Variants in ITGA8 observed in about 807,000 individuals in gnomAD.
ITGA8 encodes integrin subunit alpha 8.
ITGA8 carries 91 observed loss-of-function variants against 142.3 expected under a neutral mutation model. The observed-to-expected ratio is 0.64, with a 90% CI of 0.54 to 0.76. The LOEUF (loss-of-function observed/expected upper bound fraction) is 0.76. Ranked by LOEUF, ITGA8 falls within the 30% of genes least tolerant of loss-of-function variation. The pLI is 0.00. For missense variants in ITGA8, 1,406 were observed against 1,327.7 expected, an observed-to-expected ratio of 1.06 and a Z score of -0.92; for synonymous variants, 505 against 485.2, an observed-to-expected ratio of 1.04 and a Z score of -0.54.
rs919767678 is a variant in ITGA8 at position 15,548,699 on chromosome 10, A to G, written c.2767-131T>C. 1.0e-4 allele frequency: 58 copies of G among 564,670 alleles called. 2 individuals are homozygous for G. The South Asian group carries it at 1.3e-3, about 13-fold the overall frequency. 35.0% of individuals were successfully genotyped at this position (564,670 alleles called of 1,614,324 possible). On this transcript the variant is annotated intron_variant, in intron 26 of 29. Coordinates refer to ENST00000378076, the MANE Select transcript of ITGA8 (RefSeq NM_003638.3). ...GATAAATTATTAATGTAAATAAAGA[A>G]CAATATATTGCAACAACCAAGAAAA...
intron 25 of ITGA8, among the ~76,000 whole-genome samples, chr10:15,563,245 T>C (rs377269062): frequency 9.9e-5 from 15 of 152,190 alleles, no homozygotes; most frequent in East Asian, 5.8e-4. Context: ...CCCAGTGTTA[T>C]GTATTTCTAG....
chr10:15,604,829 G>T (rs1040001073), intron 19 of ITGA8, among the ~76,000 whole-genome samples: 7 of 152,074 alleles, frequency 4.6e-5, no homozygotes, highest in African/African-American at 1.7e-4. Flanking sequence ...AAGAGGGATA[G>T]ATTAATGCAA....
At chr10:15,625,443 T>A (rs563451889) in intron 13 of ITGA8, among the ~76,000 whole-genome samples, 1 of 144,608 alleles carries the variant, frequency 6.9e-6, no homozygotes, top group Non-Finnish European at 1.5e-5. Flanking sequence ...ATCACATGTG[T>A]GCCGTCTGTG....
chr10:15,704,724 G>A (rs1835226482), intron 2 of ITGA8, among the ~76,000 whole-genome samples: 2 of 152,134 alleles, frequency 1.3e-5, no homozygotes, highest in South Asian at 4.1e-4. Flanking sequence ...AAGAAGTAAT[G>A]AAAACCTCTC....
At chr10:15,632,759 T>G (rs1264971334) in intron 13 of ITGA8, among the ~76,000 whole-genome samples, 1 of 152,094 alleles carries the variant, frequency 6.6e-6, no homozygotes, top group African/African-American at 2.4e-5. Context: ...AGCTGGTTGT[T>G]AACCAATTTT....
intron 2 of ITGA8, among the ~76,000 whole-genome samples, chr10:15,704,237 T>C (rs1448129359): frequency 1.3e-5 from 2 of 152,180 alleles, no homozygotes; most frequent in Non-Finnish European, 2.9e-5. Flanking sequence ...TGTGACAGCT[T>C]CCTGACCAGT....
In ITGA8 at chr10:15,647,449, G is replaced by GTTTT. The variant is rs71505078; in HGVS notation, c.1002-402_1002-399dup. On this transcript the variant is annotated intron_variant, in intron 11 of 29. Transcript: ENST00000378076. ...TATGACTATACATTTAAATTATTCA[G>GTTTT]TTTTTTTTTTTTTTTTTTTTTTTTG... Among the ~76,000 whole-genome samples, 236 of 91,502 alleles carry GTTTT rather than the reference G, an allele frequency of 2.6e-3. 2 individuals are homozygous for GTTTT. The highest frequency in any genetic ancestry group is 3.2e-3 in the Non-Finnish European group (156 of 49,182). The allele number at this position is 91,502 out of a possible 152,430, so 60.0% of individuals were successfully genotyped here.
intron 3 of ITGA8, 141 bp downstream of exon 3, chr10:15,687,797 T>A: frequency 1.8e-6 from 1 of 557,736 alleles, no homozygotes; most frequent in Non-Finnish European, 3.3e-6. Flanking sequence ...AGCATTTAGT[T>A]GCTTTTAAAA....
chr10:15,669,529 A>C (rs1327934538), intron 8 of ITGA8, among the ~76,000 whole-genome samples: 1 of 152,198 alleles, frequency 6.6e-6, no homozygotes, highest in African/African-American at 2.4e-5. Flanking sequence ...CATCAAAGTC[A>C]TTCTCCATCC....
At chr10:15,628,387 G>A (rs1370686082) in intron 13 of ITGA8, among the ~76,000 whole-genome samples, 1 of 116,100 alleles carries the variant, frequency 8.6e-6, no homozygotes, top group Non-Finnish European at 1.6e-5. Context: ...AGGCTGGAAT[G>A]CAGTGGCCGA....
intron 8 of ITGA8, among the ~76,000 whole-genome samples, chr10:15,669,900 G>A (rs147725129): frequency 0.039 from 5,907 of 152,254 alleles, 141 homozygotes; most frequent in Non-Finnish European, 0.058. Context: ...CTACCCGGCC[G>A]TGTGAGGTGT....
At chr10:15,629,743 A>G (rs1833651567) in intron 13 of ITGA8, among the ~76,000 whole-genome samples, 1 of 152,042 alleles carries the variant, frequency 6.6e-6, no homozygotes, top group African/African-American at 2.4e-5. Flanking sequence ...CCTGGCCAAC[A>G]TGGCAAAACC....
chr10:15,713,237 ATAAG>A (rs1369518627), intron 2 of ITGA8, among the ~76,000 whole-genome samples: 2 of 152,250 alleles, frequency 1.3e-5, no homozygotes, highest in African/African-American at 2.4e-5. Context: ...TTCTAGAATA[ATAAG>A]TAAGACATCC....
Position 15,684,139 on chromosome 10 carries a change from C to A in ITGA8, c.445-12G>T, listed in dbSNP as rs1226103346. On this transcript the variant is annotated splice_polypyrimidine_tract_variant and intron_variant, in intron 3 of 29. Coordinates refer to ENST00000378076, the MANE Select transcript of ITGA8 (RefSeq NM_003638.3). ...AAAGGAGCACAGGCCTAGGAAACAT[C>A]AAAGACAAAAAAATACATTTTTGAT... 1.9e-6 allele frequency: 3 copies of A among 1,596,260 alleles called. No homozygotes were observed. Among genetic ancestry groups the A allele is most frequent in the Non-Finnish European group, 1.7e-6 (2 of 1,175,444 alleles).
At chr10:15,719,478 G>A (rs1415622901) in intron 1 of ITGA8, 85 bp downstream of exon 1, 12 of 1,271,670 alleles carry the variant, frequency 9.4e-6, no homozygotes, top group Non-Finnish European at 1.0e-5. Context: ...CCCAGGCTGC[G>A]GGGGGACTCC....
intron 11 of ITGA8, among the ~76,000 whole-genome samples, chr10:15,648,223 C>T (rs1272030273): frequency 6.6e-6 from 1 of 152,072 alleles, no homozygotes; most frequent in East Asian, 1.9e-4. Flanking sequence ...TTAATGGCCT[C>T]TATTAAAGTT....
intron 5 of ITGA8, among the ~76,000 whole-genome samples, 178 bp downstream of exon 5, chr10:15,678,544 A>T (rs1290832403): frequency 2.6e-5 from 4 of 152,210 alleles, no homozygotes; most frequent in African/African-American, 4.8e-5. Flanking sequence ...TTTACATAAA[A>T]ATAAAAAGTG....
intron 22 of ITGA8, among the ~76,000 whole-genome samples, chr10:15,589,764 A>AT (rs5783452): frequency 0.8 from 109,335 of 137,474 alleles, 44,804 homozygotes; most frequent in Non-Finnish European, 0.88. Context: ...CAAACGCTGT[A>AT]TTTTTTTTTT....
At chr10:15,538,058 A>G (rs1833484337) in intron 27 of ITGA8, among the ~76,000 whole-genome samples, 1 of 152,126 alleles carries the variant, frequency 6.6e-6, no homozygotes, top group South Asian at 2.1e-4. Context: ...AGGAACCTGG[A>G]AGTTTGAGGC....
Sources: allele counts gnomAD v4.1 joint callset (sites outside exome capture counted in the v4.1 genomes callset), GRCh38; gene constraint gnomAD v4.1.1; transcripts MANE v1.5; gene names NCBI Gene and HGNC (gene_info 2026-07-23, HGNC 2026-07-21).